Variants in PTPN21 observed in about 807,000 individuals in gnomAD.
PTPN21 encodes protein tyrosine phosphatase non-receptor type 21.
In PTPN21, 77 loss-of-function variants were observed where a neutral mutation model predicts 131.8. The observed-to-expected ratio is 0.58, with a 90% CI of 0.49 to 0.71. The LOEUF (loss-of-function observed/expected upper bound fraction) is 0.71, where lower values mean the gene tolerates loss of function less well. Among genes scored for constraint, PTPN21 ranks in the 30% least tolerant of loss-of-function variants. The probability of loss-of-function intolerance (pLI) is 0.00; values close to 1 mark genes in which losing one functional copy is unlikely to be tolerated. For synonymous variants in PTPN21, 715 were observed against 621.3 expected, an observed-to-expected ratio of 1.15 and a Z score of -2.24; for missense variants, 1,552 against 1,527.1, an observed-to-expected ratio of 1.02 and a Z score of -0.27.
chr14:88,518,271 T>C (rs567201640), intron 2 of PTPN21, among the ~76,000 whole-genome samples: 7 of 62,376 alleles, frequency 1.1e-4, no homozygotes, highest in East Asian at 5.4e-4. Flanking sequence ...TATATATATA[T>C]ATACACACAC....
intron 10 of PTPN21, among the ~76,000 whole-genome samples, chr14:88,492,441 AC>A (rs1160156315): frequency 6.6e-6 from 1 of 152,212 alleles, no homozygotes; most frequent in Non-Finnish European, 1.5e-5. Context: ...TCCCATATTT[AC>A]AAAGAAAGCA....
intron 2 of PTPN21, among the ~76,000 whole-genome samples, chr14:88,535,146 T>C (rs934854361): frequency 9.9e-5 from 15 of 152,188 alleles, no homozygotes; most frequent in South Asian, 6.2e-4. Flanking sequence ...TATATATATA[T>C]AATTACCTAC....
At chr14:88,517,340 C>T in intron 2 of PTPN21, 79 bp from the exon 3 acceptor site, 1 of 1,460,822 alleles carries the variant, frequency 6.8e-7, no homozygotes, top group South Asian at 1.2e-5. Context: ...TAATCCCTGA[C>T]CTGTGACCAA....
chr14:88,547,018 C>A (rs2078792819), intron 2 of PTPN21, among the ~76,000 whole-genome samples: 1 of 152,176 alleles, frequency 6.6e-6, no homozygotes, highest in Admixed American at 6.5e-5. Flanking sequence ...CCTGTTTCCT[C>A]TTCTGTTAAA....
At position 88,550,581 on chromosome 14, in the gene PTPN21, G is replaced by A; in HGVS notation, c.-164C>T. 1 of 668,198 alleles carries A rather than the reference G, an allele frequency of 1.5e-6. No individual in the cohort carries two copies. Among genetic ancestry groups the A allele is most frequent in the East Asian group, 2.8e-5 (1 of 35,860 alleles). 41.4% of individuals were successfully genotyped at this position (668,198 alleles called of 1,614,324 possible). ...GCTGCCGCCATTAAAAAGCAACGGA[G>A]TCTCCAATGGCCCGAGGAAGGGAGC... is the stretch of plus-strand genomic sequence containing the variant. On this transcript the variant is annotated 5_prime_UTR_variant, in exon 2 of 19. Transcript: ENST00000556564.
intron 9 of PTPN21, 21 bp downstream of exon 9, chr14:88,497,182 A>C: frequency 6.4e-7 from 1 of 1,556,684 alleles, no homozygotes; most frequent in Non-Finnish European, 8.9e-7. Flanking sequence ...CATTCCATGC[A>C]GACCCCTAAT....
chr14:88,513,702 C>T (rs1195116858), intron 3 of PTPN21: 2 of 152,238 alleles, frequency 1.3e-5, no homozygotes, highest in East Asian at 3.8e-4. Flanking sequence ...GATCTCCAAA[C>T]TGAGAAAATA....
At chr14:88,518,549 G>A (rs1247604434) in intron 2 of PTPN21, among the ~76,000 whole-genome samples, 1 of 138,830 alleles carries the variant, frequency 7.2e-6, no homozygotes, top group Non-Finnish European at 1.5e-5. Context: ...TCCTGCCTCA[G>A]CCTCCAGAGT....
At chr14:88,506,895 A>C (rs1228961883) in intron 4 of PTPN21, among the ~76,000 whole-genome samples, 1 of 152,006 alleles carries the variant, frequency 6.6e-6, no homozygotes, top group East Asian at 1.9e-4. Context: ...TACAAAAATT[A>C]GTTGGGTCTG....
rs1042233598 is a variant in PTPN21, at chr14:88,479,895, G to T, written c.1536C>A (p.Phe512Leu). 3 of 1,594,212 alleles carry T rather than the reference G, an allele frequency of 1.9e-6. No homozygotes were observed. Among genetic ancestry groups the T allele is most frequent in the Non-Finnish European group, 2.6e-6 (3 of 1,174,600 alleles). The change falls in exon 13 of 19, where the codon TTC (phenylalanine) becomes TTA (leucine). Residue 512 changes from phenylalanine (F) to leucine (L), a missense_variant. Transcript: ENST00000556564. ...LPSPAAAHCP[F>L]SLSYSFHSPS... ...GGCTGTGGAAGCTGTAGCTCAGGCT[G>T]AACGGGCAGTGTGCGGCCGCTGGCG...
In PTPN21 at chr14:88,550,618, C is replaced by A; in HGVS notation, c.-201G>T. ...CCGAGGAAGGGAGCATTGACGCCAGCGCTGGGGAAAGAGGAACGCCGTTAG... is the reference window on the plus strand; with the variant it reads ...CCGAGGAAGGGAGCATTGACGCCAGAGCTGGGGAAAGAGGAACGCCGTTAG... On this transcript the variant is annotated splice_region_variant and 5_prime_UTR_variant, in exon 2 of 19. Coordinates refer to ENST00000556564, the MANE Select transcript of PTPN21 (RefSeq NM_007039.4). The A allele has an allele frequency of 5.7e-6, 3 of 530,952 alleles. No homozygotes were observed. In the South Asian group the frequency reaches 8.6e-5, roughly 15 times the overall value. The allele number at this position is 530,952 out of a possible 1,614,324, so 32.9% of individuals were successfully genotyped here. A position where few individuals can be genotyped will look rare whatever the true frequency, so the allele number is the denominator to read the frequency against.
At position 88,479,046 on chromosome 14, in the gene PTPN21, G is replaced by A. The variant is rs1268248180; in HGVS notation, c.2385C>T (p.Ser795=). 1.2e-6 allele frequency: 2 copies of A among 1,607,388 alleles called. No homozygotes were observed. Among genetic ancestry groups the A allele is most frequent in the African/African-American group, 1.3e-5 (1 of 74,476 alleles). The change falls in exon 13 of 19, where the codon TCC becomes TCT. Residue 795 remains serine, a synonymous_variant. Transcript: ENST00000556564. ...ACGTGGTGAGGTCGGACTCCGACATGGAGGGCATCAGCAGCCCGTCTCTCC... is the reference window on the plus strand; with the variant it reads ...ACGTGGTGAGGTCGGACTCCGACATAGAGGGCATCAGCAGCCCGTCTCTCC... ...RPWRDGLLMP[S]MSESDLTTSG... is the part of the protein sequence containing the mutation.
chr14:88,477,446 T>A (rs1327355424), intron 13 of PTPN21, among the ~76,000 whole-genome samples: 6 of 76,376 alleles, frequency 7.9e-5, no homozygotes, highest in African/African-American at 1.3e-4. Flanking sequence ...AAGACTGTTC[T>A]AAAAAAAAAA....
rs1326457676 is a variant in PTPN21, at chr14:88,550,229, G to A, written c.180+9C>T. 25 of 1,611,754 alleles carry A rather than the reference G, an allele frequency of 1.6e-5. No individual in the cohort carries two copies. Among genetic ancestry groups the A allele is most frequent in the Non-Finnish European group, 2.1e-5 (25 of 1,179,202 alleles). On this transcript the variant is annotated intron_variant, in intron 2 of 18. Coordinates refer to ENST00000556564, the MANE Select transcript of PTPN21 (RefSeq NM_007039.4). ...CGCGCCTGGCCTGCAGTGTCTTTAG[G>A]TGGCTTACCTCCCGCAGCTCCAGCC...
At chr14:88,468,872 C>G (rs762394070) in intron 18 of PTPN21, 44 bp downstream of exon 18, 2 of 1,612,900 alleles carry the variant, frequency 1.2e-6, no homozygotes, top group Non-Finnish European at 1.7e-6. Flanking sequence ...CTTCCCCAGC[C>G]TCATTTCCAC....
At chr14:88,552,760 C>CAA (rs2078885318) in intron 1 of PTPN21, among the ~76,000 whole-genome samples, 1 of 152,130 alleles carries the variant, frequency 6.6e-6, no homozygotes, top group Non-Finnish European at 1.5e-5. Context: ...ATGCTCTTTG[C>CAA]TGTTTCAGGG....
rs533638883 is a variant in PTPN21 at position 88,546,694 on chromosome 14, T to A, written c.180+3544A>T. On this transcript the variant is annotated intron_variant, in intron 2 of 18. Coordinates refer to ENST00000556564, the MANE Select transcript of PTPN21 (RefSeq NM_007039.4). Reference sequence around the variant, plus strand: ...GCAAAGTTTTCCACCCAAATCTATATGCGATAATTCCAGATTTGCTTGGTG... The same window carrying A: ...GCAAAGTTTTCCACCCAAATCTATAAGCGATAATTCCAGATTTGCTTGGTG... Among the ~76,000 whole-genome samples, 127 of 152,318 alleles carry A rather than the reference T, an allele frequency of 8.3e-4. 3 individuals carry two copies. The Middle Eastern group carries it at 0.024, about 29-fold the overall frequency.
chr14:88,496,639 G>A, intron 9 of PTPN21, 147 bp from the exon 10 acceptor site: 1 of 636,812 alleles, frequency 1.6e-6, no homozygotes, highest in South Asian at 2.0e-5. Context: ...TTCCAACACT[G>A]TGCCCATGGT....
At chr14:88,500,958 G>A in intron 7 of PTPN21, 87 bp from the exon 8 acceptor site, 1 of 960,302 alleles carries the variant, frequency 1.0e-6, no homozygotes, top group Non-Finnish European at 1.7e-6. Flanking sequence ...TTTCCCAGAT[G>A]TAGAAAGTTC....
Sources: gnomAD v4.1 joint callset for allele counts (sites outside exome capture counted in the v4.1 genomes callset) on GRCh38, gnomAD v4.1.1 for gene constraint, MANE v1.5 for transcripts, NCBI Gene and HGNC (gene_info 2026-07-23, HGNC 2026-07-21) for gene names.